The following RPH3A variants were observed in gnomAD, a reference collection of about 807,000 sequenced individuals.
RPH3A encodes the protein rabphilin-3A.
A neutral mutation model predicts 102.2 loss-of-function variants in RPH3A; 48 were observed. The ratio of observed to expected loss-of-function variants is 0.47; its 90% confidence interval spans 0.37 to 0.60. The LOEUF (loss-of-function observed/expected upper bound fraction) is 0.60. Among genes scored for constraint, RPH3A ranks in the 20% least tolerant of loss-of-function variants. The probability of loss-of-function intolerance (pLI) is 0.00; values close to 1 mark genes in which losing one functional copy is unlikely to be tolerated. For synonymous variants in RPH3A, 310 were observed against 324.3 expected, an observed-to-expected ratio of 0.96 and a Z score of 0.47; for missense variants, 781 against 910.1, an observed-to-expected ratio of 0.86 and a Z score of 1.83.
At chr12:112,841,707 G>GTTTTTTTTTTTT (rs761403652) in intron 4 of RPH3A, among the ~76,000 whole-genome samples, 4 of 145,010 alleles carry the variant, frequency 2.8e-5, no homozygotes, top group South Asian at 2.2e-4. Context: ...TGTTTTTTTG[G>GTTTTTTTTTTTT]TTTTTTTTTT....
intron 1 of RPH3A, among the ~76,000 whole-genome samples, chr12:112,705,398 C>A (rs976150387): frequency 2.6e-5 from 4 of 152,158 alleles, no homozygotes; most frequent in African/African-American, 9.7e-5. Context: ...TTCTTGCCAC[C>A]TACTCAGAGT....
intron 1 of RPH3A, among the ~76,000 whole-genome samples, chr12:112,773,201 GGT>G (rs1344386732): frequency 6.6e-6 from 1 of 151,922 alleles, no homozygotes; most frequent in East Asian, 1.9e-4. Context: ...CATTTGGGTT[GGT>G]TCCATGATTT....
At chr12:112,756,356 G>T (rs927979888) in intron 1 of RPH3A, among the ~76,000 whole-genome samples, 3 of 152,088 alleles carry the variant, frequency 2.0e-5, no homozygotes, top group African/African-American at 4.8e-5. Context: ...GGGATTACAG[G>T]TATGCACCAC....
At chr12:112,620,726 C>T (rs1353490623) in intron 1 of RPH3A, among the ~76,000 whole-genome samples, 2 of 152,200 alleles carry the variant, frequency 1.3e-5, no homozygotes, top group East Asian at 3.9e-4. Flanking sequence ...ACAGACCCTG[C>T]TCCTTCCGTG....
At chr12:112,752,968 CTTTT>C (rs3037266) in intron 1 of RPH3A, among the ~76,000 whole-genome samples, 27 of 118,894 alleles carry the variant, frequency 2.3e-4, no homozygotes, top group Non-Finnish European at 2.6e-4. Flanking sequence ...GTCCAGTTTT[CTTTT>C]TTTTTTTTTT....
chr12:112,823,707 T>C (rs907907515), intron 2 of RPH3A, among the ~76,000 whole-genome samples: 4 of 152,200 alleles, frequency 2.6e-5, no homozygotes, highest in African/African-American at 9.7e-5. Flanking sequence ...CTTCTGGTGC[T>C]CCCTGGGCCT....
chr12:112,886,422 C>T (rs920965425), intron 16 of RPH3A, among the ~76,000 whole-genome samples: 12 of 151,848 alleles, frequency 7.9e-5, no homozygotes, highest in African/African-American at 9.7e-5. Context: ...TCATAAGGAG[C>T]GTGCAAACTA....
intron 1 of RPH3A, among the ~76,000 whole-genome samples, chr12:112,778,377 A>G (rs184905088): frequency 2.8e-4 from 43 of 152,326 alleles, no homozygotes; most frequent in Non-Finnish European, 5.1e-4. Flanking sequence ...TAGTTCACAC[A>G]TAGAATTAAA....
rs1204132473 is a variant in RPH3A, at chr12:112,822,617, T to A, written c.-18-5684T>A. 2.0e-5 allele frequency among the ~76,000 whole-genome samples: 3 copies of A among 152,174 alleles called. No homozygotes were observed. The East Asian group carries it at 5.8e-4, about 29-fold the overall frequency. ...GGTTAGGACAGAGTCTTTGTAGCAG[T>A]CTGAGATTCCAGGTCTGAGATTCAG... On this transcript the variant is annotated intron_variant, in intron 2 of 21. Coordinates refer to ENST00000389385, the MANE Select transcript of RPH3A (RefSeq NM_001143854.2).
intron 1 of RPH3A, among the ~76,000 whole-genome samples, chr12:112,689,923 T>C (rs2040293889): frequency 6.6e-6 from 1 of 152,270 alleles, no homozygotes; most frequent in Non-Finnish European, 1.5e-5. Flanking sequence ...AATATTACAC[T>C]ATGGAGAAGC....
intron 1 of RPH3A, among the ~76,000 whole-genome samples, chr12:112,698,182 G>A (rs4766649): frequency 0.21 from 32,246 of 152,078 alleles, 3,999 homozygotes; most frequent in South Asian, 0.36. Context: ...AACAAATTGT[G>A]CTAGGACAAT....
chr12:112,696,750 C>T (rs1170141785), intron 1 of RPH3A, among the ~76,000 whole-genome samples: 1 of 152,140 alleles, frequency 6.6e-6, no homozygotes, highest in Admixed American at 6.5e-5. Flanking sequence ...TGAGGTAATT[C>T]TTTCCTTCAA....
At chr12:112,720,569 A>T (rs1431902657) in intron 1 of RPH3A, among the ~76,000 whole-genome samples, 2 of 152,212 alleles carry the variant, frequency 1.3e-5, no homozygotes, top group Non-Finnish European at 2.9e-5. Context: ...TCTAAATCTC[A>T]GTGACGTGCA....
chr12:112,769,230 A>G (rs928296816), intron 1 of RPH3A, among the ~76,000 whole-genome samples: 1 of 152,174 alleles, frequency 6.6e-6, no homozygotes, highest in Non-Finnish European at 1.5e-5. Flanking sequence ...GCAGATTTTA[A>G]CTTGACGCCT....
chr12:112,870,753 C>G lies in RPH3A; in HGVS notation c.796+714C>G, dbSNP rs1056767698. Among the ~76,000 whole-genome samples the G allele has an allele frequency of 5.9e-5, 9 of 152,270 alleles. No individual in the cohort carries two copies. In the South Asian group the frequency reaches 1.5e-3, roughly 25 times the overall value. ...TGTGTGTTTGTAGCTTAGCACTTCA[C>G]TTCCTCTTATTGGCAACAGAGCTGG... On this transcript the variant is annotated intron_variant, in intron 10 of 21. Coordinates refer to ENST00000389385, the MANE Select transcript of RPH3A (RefSeq NM_001143854.2).
At chr12:112,673,580 T>G (rs1243330649) in intron 1 of RPH3A, among the ~76,000 whole-genome samples, 1 of 152,116 alleles carries the variant, frequency 6.6e-6, no homozygotes, top group Non-Finnish European at 1.5e-5. Flanking sequence ...TGTGTATATT[T>G]ATGGGGTACA....
Position 112,707,234 on chromosome 12 carries a change from A to C in RPH3A, c.-139-84909A>C, listed in dbSNP as rs568643997. Reference sequence around the variant, plus strand: ...TGGAATCCTATATTTGTCACTCATTAGCTGTGTGGCCCTAGGTAAGTTAAT... The same window carrying C: ...TGGAATCCTATATTTGTCACTCATTCGCTGTGTGGCCCTAGGTAAGTTAAT... On this transcript the variant is annotated intron_variant, in intron 1 of 21. Transcript: ENST00000543106. Among the ~76,000 whole-genome samples the C allele has an allele frequency of 2.6e-5, 4 of 152,324 alleles. No homozygotes were observed. The South Asian group carries it at 8.3e-4, about 32-fold the overall frequency.
intron 1 of RPH3A, among the ~76,000 whole-genome samples, chr12:112,701,325 G>A (rs1194531650): frequency 1.3e-5 from 2 of 152,206 alleles, no homozygotes; most frequent in African/African-American, 4.8e-5. Context: ...AATGCGGGAA[G>A]TTGAAAAAGT....
intron 1 of RPH3A, among the ~76,000 whole-genome samples, chr12:112,719,009 C>T (rs1031442464): frequency 2.0e-5 from 3 of 152,200 alleles, no homozygotes; most frequent in Admixed American, 6.5e-5. Context: ...ATTTGTAATG[C>T]TCTGTCAAGT....
Sources: allele counts gnomAD v4.1 joint callset (sites outside exome capture counted in the v4.1 genomes callset), GRCh38; gene constraint gnomAD v4.1.1; transcripts MANE v1.5; gene names NCBI Gene and HGNC (gene_info 2026-07-23, HGNC 2026-07-21).